The following OXR1 variants were observed in gnomAD, a reference collection of about 807,000 sequenced individuals.
OXR1 encodes oxidation resistance 1, also known as oxidation resistance protein 1.
OXR1 carries 41 observed loss-of-function variants against 104.6 expected under a neutral mutation model. The ratio of observed to expected loss-of-function variants is 0.39; its 90% confidence interval spans 0.31 to 0.51. The LOEUF (loss-of-function observed/expected upper bound fraction) is 0.51, where lower values mean the gene tolerates loss of function less well. Among genes scored for constraint, OXR1 ranks in the 20% least tolerant of loss-of-function variants. The probability of loss-of-function intolerance (pLI) is 0.77; values close to 1 mark genes in which losing one functional copy is unlikely to be tolerated. For synonymous variants in OXR1, 348 were observed against 348.4 expected, an observed-to-expected ratio of 1.00 and a Z score of 0.01; for missense variants, 955 against 1,031.9, an observed-to-expected ratio of 0.93 and a Z score of 1.02.
chr8:106,654,937 A>C (rs1485858833), intron 3 of OXR1, among the ~76,000 whole-genome samples: 1 of 152,226 alleles, frequency 6.6e-6, no homozygotes, highest in Non-Finnish European at 1.5e-5. Flanking sequence ...GGATCAATAA[A>C]ATGTGGTATA....
At chr8:106,406,644 G>A (rs1470285292) in intron 2 of OXR1, among the ~76,000 whole-genome samples, 2 of 152,266 alleles carry the variant, frequency 1.3e-5, no homozygotes, top group East Asian at 3.9e-4. Flanking sequence ...TCTGGAGAAG[G>A]CAAAATTATG....
intron 9 of OXR1, chr8:106,707,825 A>T (rs1030034583): frequency 6.6e-6 from 1 of 152,302 alleles, no homozygotes; most frequent in Non-Finnish European, 1.5e-5. Flanking sequence ...CTGATATTCT[A>T]TTAGAATGTT....
At chr8:106,489,859 T>C (rs1205898697) in intron 2 of OXR1, among the ~76,000 whole-genome samples, 1 of 152,198 alleles carries the variant, frequency 6.6e-6, no homozygotes, top group Non-Finnish European at 1.5e-5. Context: ...CTGCATATAT[T>C]TCTCACCTAT....
At chr8:106,291,150 A>G (rs534237802) in intron 1 of OXR1, among the ~76,000 whole-genome samples, 1 of 152,230 alleles carries the variant, frequency 6.6e-6, no homozygotes, top group African/African-American at 2.4e-5. Context: ...AGCAACATGG[A>G]TGGAGATGGA....
chr8:106,718,233 A>G (rs1795605986), intron 11 of OXR1, among the ~76,000 whole-genome samples: 1 of 152,210 alleles, frequency 6.6e-6, no homozygotes, highest in South Asian at 2.1e-4. Flanking sequence ...TTCATAAACT[A>G]TGGCACCCCA....
intron 1 of OXR1, among the ~76,000 whole-genome samples, chr8:106,294,130 T>A (rs748516302): frequency 6.6e-6 from 1 of 151,956 alleles, no homozygotes; most frequent in Non-Finnish European, 1.5e-5. Flanking sequence ...GGCTTAAATG[T>A]CTGTAGTCCC....
At chr8:106,556,031 A>G (rs1816257385) in intron 3 of OXR1, among the ~76,000 whole-genome samples, 1 of 151,448 alleles carries the variant, frequency 6.6e-6, no homozygotes, top group African/African-American at 2.4e-5. Flanking sequence ...AACTTAGTTA[A>G]ATGAAGTAAG....
chr8:106,375,435 AT>A (rs931306286), intron 2 of OXR1, among the ~76,000 whole-genome samples: 33 of 152,150 alleles, frequency 2.2e-4, no homozygotes, highest in African/African-American at 7.7e-4. Flanking sequence ...TCCTCCATAG[AT>A]TTTTTTTAAT....
chr8:106,360,637 GA>G (rs974999419), intron 2 of OXR1, among the ~76,000 whole-genome samples: 14 of 148,366 alleles, frequency 9.4e-5, no homozygotes, highest in African/African-American at 1.2e-4. Flanking sequence ...ATCTCAGTTT[GA>G]AAAAAAAAGC....
At chr8:106,468,192 C>A (rs977240107) in intron 2 of OXR1, among the ~76,000 whole-genome samples, 6 of 151,864 alleles carry the variant, frequency 4.0e-5, no homozygotes, top group Non-Finnish European at 7.4e-5. Flanking sequence ...ACAAGACCAA[C>A]AAGGTCTTCA....
intron 2 of OXR1, among the ~76,000 whole-genome samples, chr8:106,510,990 T>G (rs1355629181): frequency 6.6e-6 from 1 of 152,214 alleles, no homozygotes; most frequent in Non-Finnish European, 1.5e-5. Flanking sequence ...TTAATGAGAC[T>G]TTCTGTCTTA....
intron 2 of OXR1, among the ~76,000 whole-genome samples, chr8:106,453,251 C>A (rs1195023224): frequency 6.6e-6 from 1 of 152,226 alleles, no homozygotes; most frequent in Non-Finnish European, 1.5e-5. Context: ...CTCTCTCCCT[C>A]ACCTGGGAAG....
intron 3 of OXR1, among the ~76,000 whole-genome samples, chr8:106,564,868 CA>C (rs1418234607): frequency 2.6e-5 from 4 of 152,150 alleles, no homozygotes; most frequent in Admixed American, 6.5e-5. Context: ...TAAACAGAAC[CA>C]ATGACAAAAT....
At chr8:106,581,049 T>TGTA in intron 3 of OXR1, 1 of 1,155,700 alleles carries the variant, frequency 8.7e-7, no homozygotes, top group African/African-American at 1.6e-5. Context: ...AGTGGGAAGG[T>TGTA]GTAGACTTCT....
chr8:106,391,637 A>G (rs1248212737), intron 2 of OXR1, among the ~76,000 whole-genome samples: 1 of 152,138 alleles, frequency 6.6e-6, no homozygotes, highest in Admixed American at 6.6e-5. Flanking sequence ...TTGATGTCCT[A>G]TGAAGGATAA....
intron 11 of OXR1, among the ~76,000 whole-genome samples, chr8:106,731,802 A>C (rs1345408345): frequency 6.6e-6 from 1 of 152,180 alleles, no homozygotes; most frequent in African/African-American, 2.4e-5. Flanking sequence ...TTTATAGTAT[A>C]GTAAGTCTTG....
intron 2 of OXR1, among the ~76,000 whole-genome samples, chr8:106,433,240 T>C (rs1819435208): frequency 6.6e-6 from 1 of 152,142 alleles, no homozygotes. Flanking sequence ...TTTCATAATG[T>C]CTTCTGTTCC....
chr8:106,637,966 C>T (rs928058817), intron 3 of OXR1, among the ~76,000 whole-genome samples: 1 of 151,892 alleles, frequency 6.6e-6, no homozygotes, highest in Non-Finnish European at 1.5e-5. Flanking sequence ...GGGGTTTCAC[C>T]GAGTTAGCCA....
chr8:106,368,217 G>A lies in OXR1; in HGVS notation c.23+8581G>A, dbSNP rs557659321. ...AAAGTTTATGAAAATAATTCATATT[G>A]TATCCTTAATATAAACATATGACAG... On this transcript the variant is annotated intron_variant, in intron 2 of 16. Transcript: ENST00000517566. 2.6e-5 allele frequency among the ~76,000 whole-genome samples: 4 copies of A among 152,082 alleles called. No homozygotes were observed. The East Asian group carries it at 7.7e-4, about 29-fold the overall frequency.
Sources: gnomAD v4.1 joint callset for allele counts (sites outside exome capture counted in the v4.1 genomes callset) on GRCh38, gnomAD v4.1.1 for gene constraint, MANE v1.5 for transcripts, NCBI Gene and HGNC (gene_info 2026-07-23, HGNC 2026-07-21) for gene names.